The following RPS6KC1 variants were observed in gnomAD, a reference collection of about 807,000 sequenced individuals.
RPS6KC1 encodes inactive ribosomal protein S6 kinase delta-1.
Under a neutral mutation model 103.8 loss-of-function variants are expected in RPS6KC1, and 54 were observed. That is an observed-to-expected ratio of 0.52 (90% CI 0.42 to 0.65). The LOEUF is 0.65. Among genes scored for constraint, RPS6KC1 ranks in the 30% least tolerant of loss-of-function variants. The probability of loss-of-function intolerance (pLI) is 0.00; values close to 1 mark genes in which losing one functional copy is unlikely to be tolerated. For synonymous variants in RPS6KC1, 439 were observed against 438.7 expected (o/e 1.00, Z -0.01); for missense variants, 1,151 against 1,253.8 (o/e 0.92, Z 1.24).
At chr1:213,715,834 C>G in the RPS6KC1 span, among the ~76,000 whole-genome samples, 6 of 152,176 alleles carry the variant, frequency 3.9e-5, no homozygotes, top group Non-Finnish European at 7.3e-5. Context: ...TCCCTGTGAG[C>G]CCTTTTCCTC....
chr1:213,629,965 A>C, the RPS6KC1 span, among the ~76,000 whole-genome samples: 1 of 152,144 alleles, frequency 6.6e-6, no homozygotes, highest in Admixed American at 6.6e-5. Flanking sequence ...GCTTAGTCTG[A>C]TGGGCTTGCC....
chr1:213,368,117 CCTCCTACATAATTCTCT>C, the RPS6KC1 span, among the ~76,000 whole-genome samples: 6 of 152,150 alleles, frequency 3.9e-5, no homozygotes, highest in South Asian at 2.1e-4. Flanking sequence ...CTAGTGGCCT[CCTCCTACATAATTCTCT>C]CCTTTTACCT....
Position 213,051,387 on chromosome 1 carries a change from G to A in RPS6KC1, c.-18G>A. On this transcript the variant is annotated 5_prime_UTR_variant, in exon 1 of 15. Transcript: ENST00000366960. The stretch of plus-strand genomic sequence containing the variant: ...ATGATCCCGGGCGGGTGGCGGCGGC[G>A]GCAGAGGCGGCGGGAGGATGACCTC... 2.5e-6 allele frequency: 4 copies of A among 1,593,978 alleles called. No homozygotes were observed. The highest frequency in any genetic ancestry group is 3.4e-6 in the Non-Finnish European group (4 of 1,163,972).
At chr1:213,699,549 T>C in the RPS6KC1 span, among the ~76,000 whole-genome samples, 1 of 152,312 alleles carries the variant, frequency 6.6e-6, no homozygotes, top group East Asian at 1.9e-4. Flanking sequence ...AATATACTGA[T>C]TTCCTTCCTT....
chr1:213,305,532 A>G, the RPS6KC1 span, among the ~76,000 whole-genome samples: 1 of 152,148 alleles, frequency 6.6e-6, no homozygotes, highest in Non-Finnish European at 1.5e-5. Context: ...AGAAACTCCA[A>G]CTCCGTTCAG....
At chr1:213,242,504 C>A in intron 11 of RPS6KC1, 65 bp from the exon 12 acceptor site, 2 of 1,307,488 alleles carry the variant, frequency 1.5e-6, no homozygotes, top group Non-Finnish European at 1.1e-6. Flanking sequence ...GGAGTAATTA[C>A]AGTTCACTTC....
intron 7 of RPS6KC1, among the ~76,000 whole-genome samples, chr1:213,173,445 C>T (rs1380885652): frequency 6.6e-6 from 1 of 152,168 alleles, no homozygotes; most frequent in Non-Finnish European, 1.5e-5. Context: ...ACTTCGGAGA[C>T]TGTATAGTCA....
At chr1:213,777,378 G>A in the RPS6KC1 span, among the ~76,000 whole-genome samples, 2 of 152,096 alleles carry the variant, frequency 1.3e-5, no homozygotes, top group Non-Finnish European at 2.9e-5. Context: ...CAATATTGTT[G>A]TTTCTTGGGG....
the RPS6KC1 span, among the ~76,000 whole-genome samples, chr1:213,719,613 G>A: frequency 3.9e-5 from 6 of 152,138 alleles, no homozygotes; most frequent in East Asian, 1.9e-4. Flanking sequence ...TAAATGATAC[G>A]TCCAGGAAGC....
chr1:213,410,124 C>A, the RPS6KC1 span, among the ~76,000 whole-genome samples: 1 of 152,148 alleles, frequency 6.6e-6, no homozygotes, highest in Non-Finnish European at 1.5e-5. Flanking sequence ...CACTGCACTC[C>A]AGCTGGGCAA....
At chr1:213,499,615 G>A in the RPS6KC1 span, among the ~76,000 whole-genome samples, 1 of 152,078 alleles carries the variant, frequency 6.6e-6, no homozygotes, top group Non-Finnish European at 1.5e-5. Context: ...ATGCTGGCTC[G>A]CTTGCTGCTC....
At chr1:213,102,326 ATCCTTCTGGCCTCAGCC>A (rs1469658325) in intron 3 of RPS6KC1, among the ~76,000 whole-genome samples, 1 of 152,064 alleles carries the variant, frequency 6.6e-6, no homozygotes, top group Admixed American at 6.5e-5. Context: ...GGCTCAAGTG[ATCCTTCTGGCCTCAGCC>A]TCCTGAGAAG....
At chr1:213,121,519 A>G (rs2084382296) in intron 5 of RPS6KC1, among the ~76,000 whole-genome samples, 1 of 152,178 alleles carries the variant, frequency 6.6e-6, no homozygotes, top group African/African-American at 2.4e-5. Context: ...TATTATGTCT[A>G]TTTCAACTTA....
the RPS6KC1 span, among the ~76,000 whole-genome samples, chr1:213,664,129 T>G: frequency 2.2e-5 from 3 of 135,442 alleles, no homozygotes; most frequent in Non-Finnish European, 4.6e-5. Context: ...CAGCTCCCCA[T>G]GGCACACTGA....
the RPS6KC1 span, among the ~76,000 whole-genome samples, chr1:213,849,763 A>G: frequency 2.5e-4 from 38 of 152,250 alleles, no homozygotes; most frequent in Admixed American, 2.2e-3. Context: ...GCTTCCATTT[A>G]TTTAAGTTTT....
At chr1:213,138,887 A>T (rs1159198797) in intron 6 of RPS6KC1, among the ~76,000 whole-genome samples, 1 of 152,164 alleles carries the variant, frequency 6.6e-6, no homozygotes, top group Non-Finnish European at 1.5e-5. Context: ...GAGTTGTTGG[A>T]TTGAATGGTA....
intron 8 of RPS6KC1, among the ~76,000 whole-genome samples, chr1:213,180,691 A>T (rs945135518): frequency 2.0e-5 from 3 of 152,168 alleles, no homozygotes; most frequent in Non-Finnish European, 4.4e-5. Flanking sequence ...TGGGATGAGG[A>T]GGATGCATTA....
the RPS6KC1 span, among the ~76,000 whole-genome samples, chr1:213,776,753 T>C: frequency 6.6e-6 from 1 of 152,212 alleles, no homozygotes; most frequent in Non-Finnish European, 1.5e-5. Context: ...CCTCTCTAGC[T>C]ATGAAAGTCC....
chr1:213,116,154 G>C (rs1191435990), intron 4 of RPS6KC1, among the ~76,000 whole-genome samples: 2 of 151,986 alleles, frequency 1.3e-5, no homozygotes, highest in East Asian at 3.9e-4. Flanking sequence ...ACAGTGGGGT[G>C]TTAAAGTCTC....
Sources: allele counts gnomAD v4.1 joint callset (sites outside exome capture counted in the v4.1 genomes callset), GRCh38; gene constraint gnomAD v4.1.1; transcripts MANE v1.5; gene names NCBI Gene and HGNC (gene_info 2026-07-23, HGNC 2026-07-21).